CLPTM1: variants seen among roughly 807,000 people sequenced by gnomAD.
CLPTM1 encodes putative lipid scramblase CLPTM1.
Under a neutral mutation model 77.3 loss-of-function variants are expected in CLPTM1, and 21 were observed. That is an observed-to-expected ratio of 0.27 (90% CI 0.19 to 0.39). CLPTM1 has a LOEUF of 0.39. Among genes scored for constraint, CLPTM1 ranks in the 10% least tolerant of loss-of-function variants. The pLI, the probability that CLPTM1 is intolerant of heterozygous loss-of-function variation, is 1.00. For synonymous variants in CLPTM1, 373 were observed against 381.0 expected (o/e 0.98, Z 0.24); for missense variants, 642 against 921.2 (o/e 0.70, Z 3.92).
upstream of CLPTM1, chr19:44,954,852 C>G (rs1432263131): frequency 8.3e-7 from 1 of 1,206,138 alleles, no homozygotes; most frequent in East Asian, 2.6e-5. Flanking sequence ...GCTCAGGAGA[C>G]TTGAACGAAA....
In CLPTM1 at chr19:44,992,720, G is replaced by A. The variant is rs144277172; in HGVS notation, c.1833G>A (p.Val611=). 5 of 1,613,234 alleles carry A rather than the reference G, an allele frequency of 3.1e-6. No homozygotes were observed. The African/African-American group carries it at 6.7e-5, about 22-fold the overall frequency. Residue 611 remains valine, a synonymous_variant, in exon 14 of 14, where the codon GTG becomes GTA. Transcript: ENST00000337392. This position sits in a 1 kb window ranked among gnomAD's most constrained non-coding sequence, Gnocchi z 7.7. ...SGEDPTAAAP[V]AEVPTAAGAL... ...AAGACCCCACAGCTGCCGCCCCCGT[G>A]GCCGAGGTTCCCACAGCAGCAGGGG...
intron 9 of CLPTM1, among the ~76,000 whole-genome samples, chr19:44,988,751 C>T (rs1971022294): frequency 1.3e-5 from 2 of 152,330 alleles, no homozygotes; most frequent in South Asian, 4.1e-4. Flanking sequence ...GCAGATGGTT[C>T]CAGCCCCAAC....
intron 5 of CLPTM1, among the ~76,000 whole-genome samples, chr19:44,982,323 T>C (rs1357528002): frequency 1.3e-5 from 2 of 150,960 alleles, no homozygotes; most frequent in Non-Finnish European, 2.9e-5. Context: ...CACTCTAGTC[T>C]GGGCGACAGA....
upstream of CLPTM1, chr19:44,954,868 G>A (rs949857265): frequency 6.6e-6 from 8 of 1,217,860 alleles, 1 homozygote; most frequent in Admixed American, 1.0e-4. Flanking sequence ...CGAAAGAGTT[G>A]TCTTAGGAAG....
intron 4 of CLPTM1, among the ~76,000 whole-genome samples, chr19:44,975,452 C>T (rs1409722838): frequency 1.3e-5 from 2 of 152,238 alleles, no homozygotes; most frequent in Admixed American, 6.5e-5. Context: ...TGCCCTCATT[C>T]CTTTCTCCCC....
At chr19:44,987,007 C>T in intron 7 of CLPTM1, 172 bp from the exon 8 acceptor site, 1 of 819,382 alleles carries the variant, frequency 1.2e-6, no homozygotes, top group Non-Finnish European at 1.9e-6. Context: ...TGCCTCAGTC[C>T]CCTCTGCTGA....
chr19:44,959,761 G>A (rs891934369), intron 1 of CLPTM1, among the ~76,000 whole-genome samples: 1 of 152,196 alleles, frequency 6.6e-6, no homozygotes, highest in East Asian at 1.9e-4. Flanking sequence ...TTCCGAAGTA[G>A]CTGTACTTTT....
At chr19:44,954,850 G>C (rs1015934790), upstream of CLPTM1, 113 of 1,196,950 alleles carry the variant, frequency 9.4e-5, no homozygotes, top group Non-Finnish European at 2.2e-5. Context: ...GAGCTCAGGA[G>C]ACTTGAACGA....
Position 44,990,323 on chromosome 19 carries a change from G to A in CLPTM1, c.1133-72G>A. On this transcript the variant is annotated intron_variant, in intron 9 of 13. Coordinates refer to ENST00000337392, the MANE Select transcript of CLPTM1 (RefSeq NM_001294.4). This position sits in a 1 kb window ranked among gnomAD's most constrained non-coding sequence, Gnocchi z 4.8. ...AGGGTGTGAGGATGCAGGCCAAGGG[G>A]GCCTGAGGGAGCTGCAGTAGGGTCT... 6.6e-7 allele frequency: 1 copy of A among 1,517,846 alleles called. No individual in the cohort carries two copies. Among genetic ancestry groups the A allele is most frequent in the Non-Finnish European group, 9.0e-7 (1 of 1,108,824 alleles). The allele number at this position is 1,517,846 out of a possible 1,614,324, so 94.0% of individuals were successfully genotyped here.
At chr19:44,985,820 G>T (rs527633243) in intron 6 of CLPTM1, among the ~76,000 whole-genome samples, 5 of 152,360 alleles carry the variant, frequency 3.3e-5, no homozygotes, top group Admixed American at 2.6e-4. Context: ...TGTTGGGGGG[G>T]TGGTCCCTGC....
chr19:44,954,978 A>C, upstream of CLPTM1: 1 of 1,535,414 alleles, frequency 6.5e-7, no homozygotes, highest in Non-Finnish European at 8.7e-7. Context: ...CGTGGTTCGA[A>C]GCCGTACAGT....
chr19:44,965,683 G>A (rs1300199017), intron 2 of CLPTM1, among the ~76,000 whole-genome samples: 4 of 148,092 alleles, frequency 2.7e-5, no homozygotes, highest in Admixed American at 6.7e-5. Context: ...GTGTGGTGGC[G>A]GGCGCCTGTA....
At position 44,985,292 on chromosome 19, in the gene CLPTM1, G is replaced by A; in HGVS notation, c.661G>A (p.Glu221Lys). ...GACAGGAGAGACAGAAGCGGACCCA[G>A]AAATGATCAAGGTAAATGGGCAGGG... ...LLTGETEADP[E>K]MIKRAEDYGP... Residue 221 changes from glutamate to lysine, a missense_variant, in exon 6 of 14, where the codon GAA (glutamate) becomes AAA (lysine). This residue lies in a region of CLPTM1 where 521 missense variants were observed against 800.4 expected (regional missense o/e 0.65). Coordinates refer to ENST00000337392, the MANE Select transcript of CLPTM1 (RefSeq NM_001294.4). 1.9e-6 allele frequency: 3 copies of A among 1,612,640 alleles called. No homozygotes were observed. Among genetic ancestry groups the A allele is most frequent in the Admixed American group, 3.3e-5 (2 of 59,962 alleles).
chr19:44,989,688 C>A (rs1971038447), intron 9 of CLPTM1, among the ~76,000 whole-genome samples: 1 of 152,154 alleles, frequency 6.6e-6, no homozygotes, highest in Non-Finnish European at 1.5e-5. Flanking sequence ...AGACCTGGCT[C>A]CACCACTGTG....
At chr19:44,963,878 A>C (rs572141889) in intron 2 of CLPTM1, among the ~76,000 whole-genome samples, 1 of 151,850 alleles carries the variant, frequency 6.6e-6, no homozygotes, top group South Asian at 2.1e-4. Context: ...TTGGCCTCCC[A>C]AAGTGTTGGG....
chr19:44,992,570 C>T lies in CLPTM1; in HGVS notation c.1724-41C>T, dbSNP rs374171994. ...CCACCCAGGCCCACCTGGCTGTGGA[C>T]GGGCCAGCCCGACCTCACACTGCCT... On this transcript the variant is annotated intron_variant, in intron 13 of 13. Coordinates refer to ENST00000337392, the MANE Select transcript of CLPTM1 (RefSeq NM_001294.4). This position sits in a 1 kb window ranked among gnomAD's most constrained non-coding sequence, Gnocchi z 7.7. 3.6e-5 allele frequency: 58 copies of T among 1,608,770 alleles called. No homozygotes were observed. Among genetic ancestry groups the T allele is most frequent in the South Asian group, 8.8e-5 (8 of 90,880 alleles).
chr19:44,972,237 A>G (rs1181175921), intron 2 of CLPTM1, among the ~76,000 whole-genome samples: 4 of 149,660 alleles, frequency 2.7e-5, no homozygotes, highest in African/African-American at 4.9e-5. Flanking sequence ...GCTACCAAAT[A>G]CTAGATCTCA....
chr19:44,973,331 A>T, intron 3 of CLPTM1, 121 bp downstream of exon 3: 1 of 1,381,460 alleles, frequency 7.2e-7, no homozygotes, highest in Non-Finnish European at 9.9e-7. Flanking sequence ...GTCTAGGAAA[A>T]CAGGTCCAGG....
chr19:44,955,034 T>C (rs1412801439), upstream of CLPTM1: 2 of 1,535,236 alleles, frequency 1.3e-6, no homozygotes, highest in Non-Finnish European at 1.7e-6. Context: ...ACGCGAAGAA[T>C]CGGCAGGGAG....
Sources: gnomAD v4.1 joint callset for allele counts (sites outside exome capture counted in the v4.1 genomes callset) on GRCh38, gnomAD v4.1.1 for gene constraint, gnomAD v4.1.1 regional missense constraint, Gnocchi (gnomAD v3.1) non-coding constraint, MANE v1.5 for transcripts, NCBI Gene and HGNC (gene_info 2026-07-23, HGNC 2026-07-21) for gene names.